UTRN: variants seen among roughly 807,000 people sequenced by gnomAD.
UTRN encodes utrophin.
In UTRN, 283 loss-of-function variants were observed where a neutral mutation model predicts 463.9. The ratio of observed to expected loss-of-function variants is 0.61; its 90% CI spans 0.55 to 0.67. The LOEUF (loss-of-function observed/expected upper bound fraction) is 0.67. Ranked by LOEUF, UTRN falls within the 30% of genes least tolerant of loss-of-function variation. The pLI is 0.00. For synonymous variants in UTRN, 1,442 were observed against 1,431.5 expected (o/e 1.01, Z -0.17); for missense variants, 3,922 against 4,084.3 (o/e 0.96, Z 1.08).
At chr6:144,595,646 A>C (rs1413279161) in intron 51 of UTRN, among the ~76,000 whole-genome samples, 2 of 152,214 alleles carry the variant, frequency 1.3e-5, no homozygotes, top group Non-Finnish European at 1.5e-5. Flanking sequence ...TGCAGCATCT[A>C]GTCAAATGAA....
chr6:144,819,353 C>T (rs2128752606), intron 65 of UTRN, among the ~76,000 whole-genome samples: 1 of 152,266 alleles, frequency 6.6e-6, no homozygotes, highest in East Asian at 1.9e-4. Context: ...TAAGGGTTAA[C>T]TCAGAACTTA....
At chr6:144,530,610 C>T (rs556104422) in intron 41 of UTRN, among the ~76,000 whole-genome samples, 1 of 152,190 alleles carries the variant, frequency 6.6e-6, no homozygotes, top group Non-Finnish European at 1.5e-5. Flanking sequence ...TTTTATATTT[C>T]ACAGTATTTA....
chr6:144,736,890 G>T (rs1270977616), intron 54 of UTRN, among the ~76,000 whole-genome samples: 1 of 152,108 alleles, frequency 6.6e-6, no homozygotes, highest in Non-Finnish European at 1.5e-5. Context: ...CCAGTTTTCT[G>T]CCTGTAGGTC....
chr6:144,683,273 G>T (rs1441011346), intron 52 of UTRN, among the ~76,000 whole-genome samples: 1 of 152,130 alleles, frequency 6.6e-6, no homozygotes, highest in Non-Finnish European at 1.5e-5. Context: ...TTCATGGCCT[G>T]TCGTCAAGTG....
intron 3 of UTRN, among the ~76,000 whole-genome samples, chr6:144,403,972 A>G (rs1281459283): frequency 6.6e-6 from 1 of 152,228 alleles, no homozygotes; most frequent in South Asian, 2.1e-4. Flanking sequence ...TATAAAAGCT[A>G]TTTTAATGAA....
chr6:144,560,225 C>A (rs184506523), intron 50 of UTRN, among the ~76,000 whole-genome samples: 13 of 152,224 alleles, frequency 8.5e-5, no homozygotes, highest in Non-Finnish European at 1.3e-4. Context: ...GGAATTCAAG[C>A]TTGACTGGCA....
intron 51 of UTRN, among the ~76,000 whole-genome samples, chr6:144,638,404 T>A (rs1433136993): frequency 1.3e-5 from 2 of 152,226 alleles, no homozygotes; most frequent in Non-Finnish European, 1.5e-5. Context: ...TTGTTTTGAA[T>A]GTGGTGAAAT....
chr6:144,545,947 G>A lies in UTRN; in HGVS notation c.6596-2693G>A, dbSNP rs566139893. Among the ~76,000 whole-genome samples the A allele has an allele frequency of 7.2e-4, 110 of 152,292 alleles. 1 individual carries two copies. The highest frequency in any genetic ancestry group is 2.6e-3 in the African/African-American group (109 of 41,558). On this transcript the variant is annotated intron_variant, in intron 46 of 74. Coordinates refer to ENST00000367545, the MANE Select transcript of UTRN (RefSeq NM_007124.3). Reference sequence around the variant, plus strand: ...AGGCAGGAGAATCGCCTGAACCCAGGAGGTGGAGGTTGCAGTGACCCAAGA... The same window carrying A: ...AGGCAGGAGAATCGCCTGAACCCAGAAGGTGGAGGTTGCAGTGACCCAAGA...
chr6:144,593,832 T>A (rs1803367629), intron 51 of UTRN, among the ~76,000 whole-genome samples: 1 of 152,218 alleles, frequency 6.6e-6, no homozygotes, highest in Non-Finnish European at 1.5e-5. Flanking sequence ...TTTTTGACTG[T>A]TTCCAAAATT....
At chr6:144,584,431 T>C (rs982161453) in intron 51 of UTRN, among the ~76,000 whole-genome samples, 2 of 152,158 alleles carry the variant, frequency 1.3e-5, no homozygotes, top group Non-Finnish European at 2.9e-5. Flanking sequence ...TCCTATCATA[T>C]TTTTAGTACC....
intron 2 of UTRN, among the ~76,000 whole-genome samples, chr6:144,393,124 A>G (rs750513469): frequency 5.3e-5 from 8 of 152,204 alleles, no homozygotes; most frequent in Non-Finnish European, 1.0e-4. Flanking sequence ...CACCTATAAC[A>G]TGGTTTTTAA....
chr6:144,593,678 A>T (rs1803350713), intron 51 of UTRN, among the ~76,000 whole-genome samples: 2 of 152,194 alleles, frequency 1.3e-5, no homozygotes, highest in Admixed American at 1.3e-4. Flanking sequence ...CTTCTGCCTC[A>T]GACATGGAGC....
At chr6:144,346,832 T>A (rs59905216) in intron 2 of UTRN, among the ~76,000 whole-genome samples, 9,745 of 151,682 alleles carry the variant, frequency 0.064, 997 homozygotes, top group African/African-American at 0.22. Flanking sequence ...AAAAAAAAAA[T>A]AGATCTCTAT....
chr6:144,663,440 GAAGT>G (rs1780081849), intron 51 of UTRN, among the ~76,000 whole-genome samples: 1 of 152,100 alleles, frequency 6.6e-6, no homozygotes, highest in East Asian at 1.9e-4. Context: ...CTTCCTAAAG[GAAGT>G]ATCTCATGAC....
At chr6:144,821,222 CAT>C (rs1446815482) in intron 66 of UTRN, among the ~76,000 whole-genome samples, 1 of 152,172 alleles carries the variant, frequency 6.6e-6, no homozygotes, top group East Asian at 1.9e-4. Context: ...TAACCTTGCA[CAT>C]GTCCTTAAAT....
At chr6:144,566,070 T>C (rs896372392) in intron 50 of UTRN, among the ~76,000 whole-genome samples, 2 of 152,034 alleles carry the variant, frequency 1.3e-5, no homozygotes, top group Non-Finnish European at 1.5e-5. Context: ...ATTTAGAGAA[T>C]TGGGTTTGGT....
intron 41 of UTRN, among the ~76,000 whole-genome samples, chr6:144,525,025 C>A (rs1047016989): frequency 2.0e-5 from 3 of 152,162 alleles, no homozygotes; most frequent in African/African-American, 7.2e-5. Context: ...ACCATCCCTG[C>A]ATCCCTAGTA....
At chr6:144,326,568 G>A (rs1485870455) in intron 2 of UTRN, among the ~76,000 whole-genome samples, 1 of 152,110 alleles carries the variant, frequency 6.6e-6, no homozygotes, top group Non-Finnish European at 1.5e-5. Flanking sequence ...TACACTTGTG[G>A]TATATTTAGC....
chr6:144,294,618 G>C (rs945137763), intron 2 of UTRN, among the ~76,000 whole-genome samples: 4 of 151,562 alleles, frequency 2.6e-5, no homozygotes, highest in Admixed American at 6.6e-5. Flanking sequence ...GGATGAAAGT[G>C]GGGGGACGGA....
Sources: gnomAD v4.1 joint callset for allele counts (sites outside exome capture counted in the v4.1 genomes callset) on GRCh38, gnomAD v4.1.1 for gene constraint, MANE v1.5 for transcripts, NCBI Gene and HGNC (gene_info 2026-07-23, HGNC 2026-07-21) for gene names.